PODXL: variants seen among roughly 807,000 people sequenced by gnomAD.
PODXL encodes podocalyxin like, also known as podocalyxin.
In PODXL, 20 loss-of-function variants were observed where a neutral mutation model predicts 48.9. That is an observed-to-expected ratio of 0.41 (90% CI 0.29 to 0.59). The LOEUF is 0.59. PODXL is among the 20% of genes least tolerant of loss of function. The pLI, the probability that PODXL is intolerant of heterozygous loss-of-function variation, is 0.31. For synonymous variants in PODXL, 295 were observed against 287.4 expected (o/e 1.03, Z -0.27); for missense variants, 606 against 675.1 (o/e 0.90, Z 1.13).
At chr7:131,505,190 A>G (rs1797777685) in intron 8 of PODXL, among the ~76,000 whole-genome samples, 1 of 152,250 alleles carries the variant, frequency 6.6e-6, no homozygotes, top group Non-Finnish European at 1.5e-5. Flanking sequence ...TAAGGTAGGC[A>G]GAAGAATTTT....
chr7:131,532,453 T>TAAAA (rs1562913043), intron 1 of PODXL, among the ~76,000 whole-genome samples: 5 of 131,116 alleles, frequency 3.8e-5, no homozygotes, highest in South Asian at 2.9e-4. Flanking sequence ...AAAAAAAAAT[T>TAAAA]AAAAATAAAT....
chr7:131,506,012 T>A lies in PODXL; in HGVS notation c.1335A>T (p.Leu445=). 1 of 1,612,622 alleles carries A rather than the reference T, an allele frequency of 6.2e-7. No individual in the cohort carries two copies. The highest frequency in any genetic ancestry group is 8.5e-7 in the Non-Finnish European group (1 of 1,179,476). Residue 445 remains leucine, a synonymous_variant, in exon 8 of 9, where the codon CTA becomes CTT. Coordinates refer to ENST00000378555, the MANE Select transcript of PODXL (RefSeq NM_001018111.3). ...LKEAGVSDMK[L]GDQGPPEEAE... The stretch of plus-strand genomic sequence containing the variant: ...CCTCCTCCGGTGGCCCCTGGTCCCC[T>A]AGCTTCATGTCACTGACCCCTGCCT...
Position 131,512,315 on chromosome 7 carries a change from C to A in PODXL, c.101-882G>T, listed in dbSNP as rs547640054. Among the ~76,000 whole-genome samples, 52 of 152,208 alleles carry A rather than the reference C, an allele frequency of 3.4e-4. 2 individuals carry two copies. In the East Asian group the frequency reaches 9.9e-3, roughly 29 times the overall value. ...CTCTGGTGGGGAGGCAGAGACTAAC[C>A]ACCTGGACAGAGCAGCCGTCAAATC... On this transcript the variant is annotated intron_variant, in intron 1 of 8. Coordinates refer to ENST00000378555, the MANE Select transcript of PODXL (RefSeq NM_001018111.3).
intron 1 of PODXL, among the ~76,000 whole-genome samples, chr7:131,547,759 T>C (rs1408963773): frequency 1.3e-5 from 2 of 152,188 alleles, no homozygotes; most frequent in East Asian, 3.9e-4. Context: ...AATTTTCCTC[T>C]CCAGGTATGC....
intron 1 of PODXL, among the ~76,000 whole-genome samples, chr7:131,554,014 A>T (rs946172429): frequency 2.6e-5 from 4 of 152,054 alleles, no homozygotes; most frequent in African/African-American, 7.2e-5. Context: ...AAGCTGGGGG[A>T]GAGGGGCAGG....
At chr7:131,524,799 A>G (rs1209008887) in intron 1 of PODXL, among the ~76,000 whole-genome samples, 1 of 152,204 alleles carries the variant, frequency 6.6e-6, no homozygotes, top group East Asian at 1.9e-4. Context: ...CCTACATGCA[A>G]ATGTTTATAG....
intron 1 of PODXL, among the ~76,000 whole-genome samples, chr7:131,543,848 A>G (rs1562917475): frequency 6.6e-6 from 1 of 152,120 alleles, no homozygotes; most frequent in Non-Finnish European, 1.5e-5. Flanking sequence ...CTGTCCCCAG[A>G]AGCCAAATGC....
At chr7:131,506,946 G>A (rs1742322365) in intron 5 of PODXL, 2 of 584,970 alleles carry the variant, frequency 3.4e-6, no homozygotes, top group East Asian at 2.9e-5. Flanking sequence ...GTTCCCATCA[G>A]CCCGTTCTCC....
Position 131,556,339 on chromosome 7 carries a change from G to T in PODXL, c.21C>A (p.Leu7=). 6.8e-7 allele frequency: 1 copy of T among 1,466,478 alleles called. No homozygotes were observed. 90.8% of individuals were successfully genotyped at this position (1,466,478 alleles called of 1,614,324 possible). The change falls in exon 1 of 9, where the codon CTC becomes CTA. Residue 7 remains leucine (L), a synonymous_variant. Transcript: ENST00000378555. ...TTGACAACAGTAGCAGCAGCGCCGAGAGCGCCAGCGCGCAGCGCATCGTGT... is the reference window on the plus strand; with the variant it reads ...TTGACAACAGTAGCAGCAGCGCCGATAGCGCCAGCGCGCAGCGCATCGTGT... MRCALA[L]SALLLLLSTP... is the part of the protein sequence containing the mutation.
chr7:131,551,759 TC>T (rs956947724), intron 1 of PODXL, among the ~76,000 whole-genome samples: 7 of 151,596 alleles, frequency 4.6e-5, no homozygotes, highest in Non-Finnish European at 1.0e-4. Context: ...ACATGGTGAA[TC>T]CCCGTCCCTA....
chr7:131,535,084 T>C (rs1393724306), intron 1 of PODXL, among the ~76,000 whole-genome samples: 1 of 152,002 alleles, frequency 6.6e-6, no homozygotes, highest in East Asian at 1.9e-4. Context: ...AAGAAATATA[T>C]TGACCATCAA....
intron 1 of PODXL, among the ~76,000 whole-genome samples, chr7:131,539,821 G>A (rs1014291194): frequency 6.6e-6 from 1 of 152,164 alleles, no homozygotes; most frequent in Non-Finnish European, 1.5e-5. Flanking sequence ...AGACCACGGG[G>A]TAGAGGGGTG....
At chr7:131,519,375 T>A (rs1798058609) in intron 1 of PODXL, among the ~76,000 whole-genome samples, 1 of 152,126 alleles carries the variant, frequency 6.6e-6, no homozygotes, top group Non-Finnish European at 1.5e-5. Flanking sequence ...CGCGCTCCAA[T>A]TTCCATTGTC....
At chr7:131,536,231 C>T (rs978873443) in intron 1 of PODXL, among the ~76,000 whole-genome samples, 4 of 152,228 alleles carry the variant, frequency 2.6e-5, no homozygotes, top group Non-Finnish European at 5.9e-5. Context: ...CAGCTAGCTA[C>T]TCAAAACCAC....
chr7:131,554,979 TC>T (rs1338438208), intron 1 of PODXL, among the ~76,000 whole-genome samples: 2 of 151,834 alleles, frequency 1.3e-5, no homozygotes, highest in East Asian at 1.9e-4. Context: ...CACACATTCT[TC>T]CCCCCGCCGG....
intron 1 of PODXL, among the ~76,000 whole-genome samples, chr7:131,553,170 C>T (rs1032199259): frequency 6.6e-6 from 1 of 152,138 alleles, no homozygotes; most frequent in East Asian, 1.9e-4. Context: ...ATCACAGACT[C>T]CCCGACCCTA....
chr7:131,539,503 G>T (rs541261722), intron 1 of PODXL, among the ~76,000 whole-genome samples: 1 of 151,990 alleles, frequency 6.6e-6, no homozygotes, highest in Non-Finnish European at 1.5e-5. Context: ...GCTCATTTTT[G>T]TATTTTTAGT....
chr7:131,510,884 C>T lies in PODXL; in HGVS notation c.650G>A (p.Ser217Asn). 1 of 1,614,112 alleles carries T rather than the reference C, an allele frequency of 6.2e-7. No individual in the cohort carries two copies. Residue 217 changes from serine to asparagine, a missense_variant, in exon 2 of 9, where the codon AGC becomes AAC. Coordinates refer to ENST00000378555, the MANE Select transcript of PODXL (RefSeq NM_001018111.3). ...GGTGTAGCCAGGGATAGCCACAGTG[C>T]TTGAACTGCTTGAAATTTTCATAAG... ...DHLMKISSSS[S>N]TVAIPGYTFT...
At chr7:131,535,766 GTTTC>G (rs1487422581) in intron 1 of PODXL, among the ~76,000 whole-genome samples, 1 of 152,054 alleles carries the variant, frequency 6.6e-6, no homozygotes, top group African/African-American at 2.4e-5. Context: ...GCCTATTTTT[GTTTC>G]TTTGTTTTTT....
Sources: allele counts gnomAD v4.1 joint callset (sites outside exome capture counted in the v4.1 genomes callset), GRCh38; gene constraint gnomAD v4.1.1; transcripts MANE v1.5; gene names NCBI Gene and HGNC (gene_info 2026-07-23, HGNC 2026-07-21).